RNASEH2B: variants seen among roughly 807,000 people sequenced by gnomAD.
RNASEH2B encodes the protein Aicardi-Goutieres syndrome 2 protein.
RNASEH2B carries 36 observed loss-of-function variants against 45.0 expected under a neutral mutation model. The ratio of observed to expected loss-of-function variants is 0.80; its 90% CI spans 0.61 to 1.06. RNASEH2B has a LOEUF of 1.06. RNASEH2B is among the 50% of genes least tolerant of loss of function. The pLI is 0.00. For synonymous variants in RNASEH2B, 119 were observed against 125.7 expected (o/e 0.95, Z 0.35); for missense variants, 361 against 360.3 (o/e 1.00, Z -0.02).
rs1951672366 is a variant in RNASEH2B, at chr13:50,930,819, TCTC to T, written c.321+64_321+66del. On this transcript the variant is annotated intron_variant, in intron 4 of 10. Transcript: ENST00000336617. ...AACAGAATCAACTATTTTTGTTTGA[TCTC>T]CTCTCTCTCCTTTTAATGATCCAAA... 2.6e-6 allele frequency: 3 copies of T among 1,153,688 alleles called. No homozygotes were observed. The South Asian group carries it at 3.7e-5, about 14-fold the overall frequency. 71.5% of individuals were successfully genotyped at this position (1,153,688 alleles called of 1,614,324 possible). A position where few individuals can be genotyped will look rare whatever the true frequency, so the allele number is the denominator to read the frequency against.
chr13:50,949,136 T>C (rs146448034), intron 8 of RNASEH2B: 29 of 248,934 alleles, frequency 1.2e-4, no homozygotes, highest in African/African-American at 6.5e-4. Flanking sequence ...AAATATATGT[T>C]AGCATCTTCA....
intron 1 of RNASEH2B, chr13:50,910,669 G>A (rs1027974096): frequency 6.5e-6 from 1 of 152,686 alleles, no homozygotes; most frequent in African/African-American, 2.4e-5. Context: ...TCAGCAGGAT[G>A]ATGACCACAG....
intron 1 of RNASEH2B, among the ~76,000 whole-genome samples, chr13:50,922,988 T>C (rs1011439240): frequency 1.3e-5 from 2 of 152,252 alleles, no homozygotes; most frequent in South Asian, 2.1e-4. Flanking sequence ...AATAGAGAAA[T>C]TGTAAAAGGA....
intron 8 of RNASEH2B, chr13:50,949,173 G>A (rs974766484): frequency 3.1e-5 from 10 of 321,000 alleles, no homozygotes; most frequent in East Asian, 5.6e-5. Context: ...CTCCAACACC[G>A]AAACACAAAT....
intron 10 of RNASEH2B, chr13:50,955,322 C>T (rs550812847): frequency 1.1e-4 from 17 of 152,134 alleles, no homozygotes; most frequent in African/African-American, 3.9e-4. Flanking sequence ...GAGGATAGTT[C>T]GATTTAAGAT....
chr13:50,928,191 A>G (rs1047458047), intron 2 of RNASEH2B, among the ~76,000 whole-genome samples: 2 of 152,188 alleles, frequency 1.3e-5, no homozygotes, highest in Non-Finnish European at 2.9e-5. Context: ...CCATTAATTT[A>G]TAAGGTTTTG....
At chr13:50,949,807 CTTAA>C (rs1951954315) in intron 9 of RNASEH2B, among the ~76,000 whole-genome samples, 1 of 152,174 alleles carries the variant, frequency 6.6e-6, no homozygotes, top group East Asian at 1.9e-4. Flanking sequence ...AGTTAGATCA[CTTAA>C]TTAAATTTAG....
intron 9 of RNASEH2B, among the ~76,000 whole-genome samples, chr13:50,962,282 T>G (rs1952119490): frequency 6.6e-6 from 1 of 152,198 alleles, no homozygotes; most frequent in Non-Finnish European, 1.5e-5. Context: ...GAGGTTGGTG[T>G]TGTTGCTTCC....
intron 1 of RNASEH2B, chr13:50,910,363 C>G (rs1016231511): frequency 1.3e-5 from 5 of 389,024 alleles, no homozygotes; most frequent in Non-Finnish European, 2.3e-5. Context: ...TTCCCGGGCC[C>G]TGATCCCCGG....
chr13:50,949,295 A>G (rs1479592164), intron 8 of RNASEH2B, 168 bp from the exon 9 acceptor site: 1 of 631,354 alleles, frequency 1.6e-6, no homozygotes, highest in Non-Finnish European at 2.8e-6. Context: ...AGACTCATTT[A>G]TTGAGAAAAC....
rs1879245964 is a variant in RNASEH2B at position 50,910,008 on chromosome 13, T to C, written c.-69T>C. 2 of 1,357,868 alleles carry C rather than the reference T, an allele frequency of 1.5e-6. No individual in the cohort carries two copies. The highest frequency in any genetic ancestry group is 3.1e-5 in the African/African-American group (2 of 65,514). 84.1% of individuals were successfully genotyped at this position (1,357,868 alleles called of 1,614,324 possible). ...CCCGGAACAGACCCTTCTCCCGCCA[T>C]TTTCGGCGGGGCTGGGAGACTGAGG... is the stretch of plus-strand genomic sequence containing the variant. On this transcript the variant is annotated 5_prime_UTR_variant, in exon 1 of 11. Transcript: ENST00000336617.
chr13:50,928,300 TATAGAGACATGTAA>T (rs1257581530), intron 2 of RNASEH2B: 1 of 152,204 alleles, frequency 6.6e-6, no homozygotes. Flanking sequence ...GCCTTGTTGT[TATAGAGACATGTAA>T]ATAGAAGCAA....
rs199729093 is a variant in RNASEH2B, at chr13:50,949,097, T to C, written c.699-366T>C. 2.3e-4 allele frequency: 42 copies of C among 185,214 alleles called. No homozygotes were observed. In the East Asian group the frequency reaches 5.9e-3, roughly 26 times the overall value. 11.5% of individuals were successfully genotyped at this position (185,214 alleles called of 1,614,324 possible). A position where few individuals can be genotyped will look rare whatever the true frequency, so the allele number is the denominator to read the frequency against. On this transcript the variant is annotated intron_variant, in intron 8 of 10. Coordinates refer to ENST00000336617, the MANE Select transcript of RNASEH2B (RefSeq NM_024570.4). ...AAAAGTTGAAATTTATGTGGCTTTT[T>C]GTGAACAGTTAAAATGATTTTCACC...
Position 50,956,094 on chromosome 13 carries a change from C to A in RNASEH2B, c.823-264C>A, listed in dbSNP as rs180819667. 346 of 389,794 alleles carry A rather than the reference C, an allele frequency of 8.9e-4. 2 individuals carry two copies. Among genetic ancestry groups the A allele is most frequent in the African/African-American group, 6.3e-3 (307 of 48,782 alleles). 24.1% of individuals were successfully genotyped at this position (389,794 alleles called of 1,614,324 possible). On this transcript the variant is annotated intron_variant, in intron 10 of 10. Coordinates refer to ENST00000336617, the MANE Select transcript of RNASEH2B (RefSeq NM_024570.4). Reference sequence around the variant, plus strand: ...TATGCACCCTCCAGAATTATCTACCCCCTCCCCAGTGTAAACCATTGGTTG... The same window carrying A: ...TATGCACCCTCCAGAATTATCTACCACCTCCCCAGTGTAAACCATTGGTTG...
At chr13:50,949,622 G>C in intron 9 of RNASEH2B, 117 bp downstream of exon 9, 1 of 869,748 alleles carries the variant, frequency 1.1e-6, no homozygotes. Flanking sequence ...TTTGCATGGA[G>C]TGATGCCATG....
chr13:50,938,776 A>C (rs904591816), intron 5 of RNASEH2B: 5 of 152,154 alleles, frequency 3.3e-5, no homozygotes, highest in African/African-American at 9.7e-5. Flanking sequence ...CCAGTTCCTC[A>C]CAGGCCATGG....
chr13:50,961,005 C>G (rs1952106818), downstream of RNASEH2B, among the ~76,000 whole-genome samples: 4 of 151,992 alleles, frequency 2.6e-5, no homozygotes, highest in Admixed American at 2.6e-4. Flanking sequence ...TGGAATATTT[C>G]TTATTCTAAT....
chr13:50,930,851 G>A, intron 4 of RNASEH2B, 92 bp downstream of exon 4: 1 of 954,064 alleles, frequency 1.0e-6, no homozygotes, highest in Non-Finnish European at 1.7e-6. Context: ...ATCCAAAGGT[G>A]GATTCTACCT....
intron 7 of RNASEH2B, 63 bp from the exon 8 acceptor site, chr13:50,947,924 T>C: frequency 6.3e-7 from 1 of 1,597,614 alleles, no homozygotes; most frequent in Non-Finnish European, 8.5e-7. Context: ...TCAATTTGAC[T>C]ATAAAACCAC....
Sources: gnomAD v4.1 joint callset for allele counts (sites outside exome capture counted in the v4.1 genomes callset) on GRCh38, gnomAD v4.1.1 for gene constraint, MANE v1.5 for transcripts, NCBI Gene and HGNC (gene_info 2026-07-23, HGNC 2026-07-21) for gene names.